Variants in SNCAIP observed in about 807,000 individuals in gnomAD.
SNCAIP encodes synuclein alpha interacting protein.
In SNCAIP, 43 loss-of-function variants were observed where a neutral mutation model predicts 86.7. The ratio of observed to expected loss-of-function variants is 0.50; its 90% CI spans 0.39 to 0.64. SNCAIP has a LOEUF of 0.64. SNCAIP is among the 30% of genes least tolerant of loss of function. The probability of loss-of-function intolerance (pLI) is 0.00; values close to 1 mark genes in which losing one functional copy is unlikely to be tolerated. For missense variants in SNCAIP, 981 were observed against 1,103.1 expected (o/e 0.89, Z 1.57); for synonymous variants, 417 against 427.2 (o/e 0.98, Z 0.29).
chr5:122,450,384 G>A, intron 9 of SNCAIP, 149 bp from the exon 10 acceptor site: 1 of 714,862 alleles, frequency 1.4e-6, no homozygotes, highest in Non-Finnish European at 2.5e-6. Flanking sequence ...TGGAGTATTT[G>A]CACATTGTTT....
intron 8 of SNCAIP, among the ~76,000 whole-genome samples, chr5:122,446,945 TC>T (rs1464620963): frequency 6.6e-6 from 1 of 152,098 alleles, no homozygotes; most frequent in Non-Finnish European, 1.5e-5. Context: ...ATTATGGGTG[TC>T]CCCATCAAAA....
chr5:122,406,385 A>G lies in SNCAIP; in HGVS notation c.130+2520A>G, dbSNP rs17149143. Among the ~76,000 whole-genome samples, 1,257 of 152,266 alleles carry G rather than the reference A, an allele frequency of 8.3e-3. 30 individuals are homozygous for G. In the South Asian group the frequency reaches 0.09, roughly 11 times the overall value. ...GCACTTTGGCTTCTGAGAAAAGTCCACATCTTCTTTGGGATGGGGCACTCT... is the reference window on the plus strand; with the variant it reads ...GCACTTTGGCTTCTGAGAAAAGTCCGCATCTTCTTTGGGATGGGGCACTCT... On this transcript the variant is annotated intron_variant, in intron 3 of 10. Transcript: ENST00000261368.
rs1216164179 is a variant in SNCAIP, at chr5:122,423,296, C to T, written c.559C>T (p.Leu187Phe). Residue 187 changes from leucine (L) to phenylalanine (F), a missense_variant, in exon 4 of 11, where the codon CTT (leucine) becomes TTT (phenylalanine). Transcript: ENST00000261368. Reference protein sequence around the residue: ...ILGLCTTINGLSGKACSTGSS... With the variant: ...ILGLCTTINGFSGKACSTGSS... ...GGGCTTATGCACAACCATCAATGGC[C>T]TTTCTGGCAAAGCCTGCTCTACAGG... 8.7e-6 allele frequency: 14 copies of T among 1,614,162 alleles called. No homozygotes were observed. Among genetic ancestry groups the T allele is most frequent in the African/African-American group, 1.3e-5 (1 of 75,060 alleles).
chr5:122,409,777 C>A (rs867531569), intron 3 of SNCAIP, among the ~76,000 whole-genome samples: 1 of 152,210 alleles, frequency 6.6e-6, no homozygotes, highest in Admixed American at 6.5e-5. Flanking sequence ...AATAAGTTGA[C>A]ATGAAATTTG....
chr5:122,414,186 G>A (rs1273751046), intron 3 of SNCAIP, among the ~76,000 whole-genome samples: 2 of 151,886 alleles, frequency 1.3e-5, no homozygotes, highest in Non-Finnish European at 2.9e-5. Context: ...TGAGATGACA[G>A]GTCTGAGCCA....
chr5:122,380,978 G>A (rs1766621860), intron 1 of SNCAIP, among the ~76,000 whole-genome samples: 1 of 145,520 alleles, frequency 6.9e-6, no homozygotes, highest in Non-Finnish European at 1.5e-5. Context: ...GTCAATTTTG[G>A]AATAGGTGTG....
At chr5:122,319,964 C>T (rs1173568690) in intron 1 of SNCAIP, among the ~76,000 whole-genome samples, 6 of 152,194 alleles carry the variant, frequency 3.9e-5, no homozygotes, top group Non-Finnish European at 5.9e-5. Flanking sequence ...ATGCTGCTTC[C>T]GCACTCATTC....
intron 1 of SNCAIP, among the ~76,000 whole-genome samples, chr5:122,382,187 C>T (rs1364480968): frequency 4.6e-5 from 7 of 152,158 alleles, no homozygotes; most frequent in African/African-American, 7.2e-5. Flanking sequence ...ACCAATCAGA[C>T]GTAGATTTGG....
chr5:122,339,014 C>T (rs10035428), intron 1 of SNCAIP, among the ~76,000 whole-genome samples: 39,945 of 151,910 alleles, frequency 0.26, 6,130 homozygotes, highest in African/African-American at 0.43. Context: ...TCCAAAGTTA[C>T]GTGTACAAAG....
Position 122,379,180 on chromosome 5 carries a change from G to A in SNCAIP, c.-46-11909G>A, listed in dbSNP as rs1292328836. On this transcript the variant is annotated intron_variant, in intron 1 of 10. Coordinates refer to ENST00000261368, the MANE Select transcript of SNCAIP (RefSeq NM_005460.4). ...TTCTTCCTACCCATGAGCATGGAAT[G>A]TTCTTCCATTTGTTTGTATCCTCTT... 5.9e-4 allele frequency among the ~76,000 whole-genome samples: 33 copies of A among 55,558 alleles called. 1 individual carries two copies. Among genetic ancestry groups the A allele is most frequent in the Non-Finnish European group, 9.0e-4 (27 of 29,848 alleles). The allele number at this position is 55,558 out of a possible 152,430, so 36.4% of individuals were successfully genotyped here. A position where few individuals can be genotyped will look rare whatever the true frequency, so the allele number is the denominator to read the frequency against.
Position 122,425,416 on chromosome 5 carries a change from T to A in SNCAIP, c.1067T>A (p.Ile356Asn), listed in dbSNP as rs375754560. 4 of 1,613,974 alleles carry A rather than the reference T, an allele frequency of 2.5e-6. No homozygotes were observed. The highest frequency in any genetic ancestry group is 3.4e-6 in the Non-Finnish European group (4 of 1,179,852). Residue 356 changes from isoleucine (I) to asparagine (N), a missense_variant, in exon 5 of 11, where the codon ATT becomes AAT. Physicochemically the swap from Ile to Asn is moderately radical, Grantham distance 149. Transcript: ENST00000261368. ...HDENGNNLLH[I>N]AASQGHAECL... ...GAAAATGGAAACAATCTATTACATA[T>A]TGCGGCGTCACAGGGACACGCAGAG...
At chr5:122,339,408 C>A (rs977041584) in intron 1 of SNCAIP, among the ~76,000 whole-genome samples, 4 of 152,188 alleles carry the variant, frequency 2.6e-5, no homozygotes, top group Admixed American at 6.5e-5. Flanking sequence ...TCAAAACCAT[C>A]TTTAGATACA....
chr5:122,435,532 T>A (rs926581784), intron 6 of SNCAIP, among the ~76,000 whole-genome samples: 2 of 152,216 alleles, frequency 1.3e-5, no homozygotes, highest in African/African-American at 4.8e-5. Flanking sequence ...GAATCATTCA[T>A]GTGACTTTTA....
intron 1 of SNCAIP, among the ~76,000 whole-genome samples, chr5:122,357,986 G>T (rs551382887): frequency 5.9e-5 from 9 of 152,170 alleles, no homozygotes; most frequent in African/African-American, 2.2e-4. Flanking sequence ...AGCTATGTCT[G>T]ATCTGTGGTG....
intron 1 of SNCAIP, among the ~76,000 whole-genome samples, chr5:122,373,512 A>G (rs957315754): frequency 5.3e-5 from 8 of 152,204 alleles, no homozygotes; most frequent in Admixed American, 1.3e-4. Flanking sequence ...GGCATTTACC[A>G]TGAAGCCCTC....
At chr5:122,443,513 A>G in intron 7 of SNCAIP, 1 of 438,094 alleles carries the variant, frequency 2.3e-6, no homozygotes, top group Non-Finnish European at 4.6e-6. Context: ...AATTTACTCC[A>G]AGCCTCTTTA....
Position 122,451,525 on chromosome 5 carries a change from C to T in SNCAIP, c.2678C>T (p.Pro893Leu). 6.2e-7 allele frequency: 1 copy of T among 1,613,788 alleles called. No homozygotes were observed. Among genetic ancestry groups the T allele is most frequent in the Non-Finnish European group, 8.5e-7 (1 of 1,179,984 alleles). Residue 893 changes from proline to leucine, a missense_variant, in exon 10 of 11, where the codon CCC becomes CTC. Pro to Leu is a moderately conservative substitution (Grantham distance 98). Transcript: ENST00000261368. The stretch of plus-strand genomic sequence containing the variant: ...AACCAGCTGAAAACCTCTACATTGC[C>T]CTTGACCTCACTTGGGAGGAAGACA... ...AANQLKTSTL[P>L]LTSLGRKTDA...
At chr5:122,340,107 T>G (rs951138228) in intron 1 of SNCAIP, among the ~76,000 whole-genome samples, 4 of 152,218 alleles carry the variant, frequency 2.6e-5, no homozygotes, top group African/African-American at 9.6e-5. Context: ...CTGTTTAGAA[T>G]AAGACATTAT....
chr5:122,390,325 A>G (rs1446283119), intron 1 of SNCAIP, among the ~76,000 whole-genome samples: 4 of 152,070 alleles, frequency 2.6e-5, no homozygotes, highest in Non-Finnish European at 5.9e-5. Flanking sequence ...GCTGATGGGG[A>G]TGATGATAAG....
Sources: gnomAD v4.1 joint callset for allele counts (sites outside exome capture counted in the v4.1 genomes callset) on GRCh38, gnomAD v4.1.1 for gene constraint, MANE v1.5 for transcripts, NCBI Gene and HGNC (gene_info 2026-07-23, HGNC 2026-07-21) for gene names.